Variants in FAF1 observed in about 807,000 individuals in gnomAD.
FAF1 encodes Fas associated factor 1, also known as FAS-associated factor 1.
Under a neutral mutation model 92.5 loss-of-function variants are expected in FAF1, and 25 were observed. The observed-to-expected ratio is 0.27, with a 90% CI of 0.20 to 0.38. The LOEUF is 0.38. Among genes scored for constraint, FAF1 ranks in the 10% least tolerant of loss-of-function variants. FAF1 has a pLI of 1.00. For synonymous variants in FAF1, 234 were observed against 273.2 expected (o/e 0.86, Z 1.42); for missense variants, 636 against 793.3 (o/e 0.80, Z 2.38).
intron 1 of FAF1, among the ~76,000 whole-genome samples, chr1:50,902,709 C>T (rs1238866175): frequency 6.6e-6 from 1 of 152,176 alleles, no homozygotes; most frequent in Non-Finnish European, 1.5e-5. Context: ...AACTTATGCA[C>T]ATCCTCCAGT....
chr1:50,605,652 C>T (rs1160713199), intron 8 of FAF1, among the ~76,000 whole-genome samples: 2 of 151,804 alleles, frequency 1.3e-5, no homozygotes, highest in African/African-American at 2.4e-5. Context: ...CAGCTTTATG[C>T]CATTTAGTTG....
chr1:50,477,068 T>C (rs1188758969), intron 17 of FAF1, among the ~76,000 whole-genome samples: 1 of 152,234 alleles, frequency 6.6e-6, no homozygotes, highest in African/African-American at 2.4e-5. Flanking sequence ...AGAAAAAGTT[T>C]GCTCAGACAC....
At chr1:50,825,524 C>A (rs1176285088) in intron 2 of FAF1, among the ~76,000 whole-genome samples, 1 of 151,584 alleles carries the variant, frequency 6.6e-6, no homozygotes, top group African/African-American at 2.4e-5. Context: ...CTAATGAGCA[C>A]ATGATCAAAA....
chr1:50,734,647 T>G (rs184721257), intron 6 of FAF1, among the ~76,000 whole-genome samples: 1 of 149,362 alleles, frequency 6.7e-6, no homozygotes, highest in Admixed American at 6.8e-5. Flanking sequence ...GGCAGGAGAA[T>G]GGCGTGAACC....
At chr1:50,746,270 ATATATATATATATATATATATATTTTT>A (rs1258198432) in intron 4 of FAF1, among the ~76,000 whole-genome samples, 18 of 26,100 alleles carry the variant, frequency 6.9e-4, no homozygotes, top group East Asian at 1.8e-3. Flanking sequence ...ATATATATAT[ATATATATATATATATATATATATTTTT>A]TTTTTTTTTT....
At chr1:50,695,826 T>G (rs1657181937) in intron 7 of FAF1, among the ~76,000 whole-genome samples, 1 of 152,134 alleles carries the variant, frequency 6.6e-6, no homozygotes, top group Non-Finnish European at 1.5e-5. Context: ...TTTTTGTACT[T>G]TTAGTAGAGA....
At chr1:50,516,804 T>G (rs554114816) in intron 15 of FAF1, among the ~76,000 whole-genome samples, 46 of 152,320 alleles carry the variant, frequency 3.0e-4, no homozygotes, top group African/African-American at 1.1e-3. Context: ...AAAAGCTGCA[T>G]AGAAGGTTTC....
At chr1:50,832,297 A>C (rs1644161759) in intron 2 of FAF1, among the ~76,000 whole-genome samples, 1 of 152,152 alleles carries the variant, frequency 6.6e-6, no homozygotes, top group Admixed American at 6.5e-5. Flanking sequence ...CTAGCAGAAA[A>C]GACATTAGCA....
At chr1:50,497,638 C>A (rs1419294672) in intron 15 of FAF1, among the ~76,000 whole-genome samples, 1 of 146,852 alleles carries the variant, frequency 6.8e-6, no homozygotes, top group Non-Finnish European at 1.5e-5. Context: ...AACCTCCACC[C>A]CCCCAGGTTT....
intron 6 of FAF1, among the ~76,000 whole-genome samples, chr1:50,725,359 C>T (rs1195072952): frequency 6.6e-6 from 1 of 152,148 alleles, no homozygotes; most frequent in Non-Finnish European, 1.5e-5. Context: ...CCACAGCACC[C>T]ACTGGAAAAT....
At chr1:50,653,279 T>C (rs1654947879) in intron 8 of FAF1, among the ~76,000 whole-genome samples, 1 of 152,084 alleles carries the variant, frequency 6.6e-6, no homozygotes, top group African/African-American at 2.4e-5. Flanking sequence ...CTAAAATCAG[T>C]TTTTCAGAAA....
chr1:50,567,879 T>C (rs866186224), intron 12 of FAF1, among the ~76,000 whole-genome samples: 21 of 152,250 alleles, frequency 1.4e-4, no homozygotes, highest in Middle Eastern at 3.4e-3. Flanking sequence ...TCAGAAAATG[T>C]CCACTGTGGC....
chr1:50,746,061 G>T (rs982151662), intron 4 of FAF1, among the ~76,000 whole-genome samples: 1 of 151,610 alleles, frequency 6.6e-6, no homozygotes, highest in Non-Finnish European at 1.5e-5. Context: ...CTTTTGTTAT[G>T]TGTTAGCAAA....
intron 18 of FAF1, among the ~76,000 whole-genome samples, chr1:50,463,145 T>C (rs1011129885): frequency 6.6e-6 from 1 of 152,206 alleles, no homozygotes; most frequent in African/African-American, 2.4e-5. Flanking sequence ...TGGCAGAGTA[T>C]ACCTATGTGT....
chr1:50,488,616 A>G (rs1243517567), intron 17 of FAF1, among the ~76,000 whole-genome samples: 2 of 152,244 alleles, frequency 1.3e-5, no homozygotes, highest in African/African-American at 2.4e-5. Flanking sequence ...AACTTGGCAT[A>G]TATGACTCCT....
intron 13 of FAF1, among the ~76,000 whole-genome samples, chr1:50,541,720 T>C (rs758869555): frequency 2.5e-4 from 37 of 149,454 alleles, no homozygotes; most frequent in Non-Finnish European, 4.7e-4. Flanking sequence ...ACAGGATACC[T>C]ACCAAAAAAA....
intron 2 of FAF1, among the ~76,000 whole-genome samples, chr1:50,817,648 G>T (rs1481267625): frequency 6.6e-6 from 1 of 152,176 alleles, no homozygotes; most frequent in Non-Finnish European, 1.5e-5. Flanking sequence ...TTTATGTTAT[G>T]TGTATTTTGT....
At chr1:50,959,674 C>T in intron 1 of FAF1, 93 bp downstream of exon 1, 1 of 1,117,116 alleles carries the variant, frequency 9.0e-7, no homozygotes, top group Non-Finnish European at 1.3e-6. Context: ...TGACACACCA[C>T]TGCAGCGTTC....
At chr1:50,576,326 G>C (rs1007558810) in intron 12 of FAF1, among the ~76,000 whole-genome samples, 2 of 152,128 alleles carry the variant, frequency 1.3e-5, no homozygotes, top group Admixed American at 6.5e-5. Flanking sequence ...CAGCAATTGA[G>C]TACTGAGTCC....
Sources: gnomAD v4.1 joint callset for allele counts (sites outside exome capture counted in the v4.1 genomes callset) on GRCh38, gnomAD v4.1.1 for gene constraint, MANE v1.5 for transcripts, NCBI Gene and HGNC (gene_info 2026-07-23, HGNC 2026-07-21) for gene names.